The following NAV2 variants were observed in gnomAD, a reference collection of about 807,000 sequenced individuals.
NAV2 encodes the protein neuron navigator 2.
NAV2 carries 54 observed loss-of-function variants against 223.2 expected under a neutral mutation model. That is an observed-to-expected ratio of 0.24 (90% confidence interval 0.19 to 0.30). NAV2 has a LOEUF of 0.30. NAV2 is among the 10% of genes least tolerant of loss of function. The pLI is 1.00. For missense variants in NAV2, 2,806 were observed against 3,147.5 expected (o/e 0.89, Z 2.60); for synonymous variants, 1,279 against 1,239.3 (o/e 1.03, Z -0.67).
intron 1 of NAV2, among the ~76,000 whole-genome samples, chr11:19,626,205 T>G (rs984060781): frequency 2.6e-5 from 4 of 152,218 alleles, no homozygotes; most frequent in African/African-American, 9.6e-5. Context: ...TGAGTTGATT[T>G]TAGTATAGGA....
intron 19 of NAV2, among the ~76,000 whole-genome samples, chr11:20,056,900 A>AT (rs1417773222): frequency 1.3e-5 from 2 of 152,200 alleles, no homozygotes; most frequent in Non-Finnish European, 2.9e-5. Flanking sequence ...ATACATATAA[A>AT]TGTTAACACA....
intron 36 of NAV2, 95 bp downstream of exon 36, chr11:20,107,877 T>TGACATG (rs2062278060): frequency 2.4e-6 from 2 of 821,958 alleles, no homozygotes; most frequent in Admixed American, 3.8e-5. Context: ...GGAATCTGAC[T>TGACATG]GACATGGGGT....
chr11:19,932,574 CT>C (rs2045480161), intron 6 of NAV2, among the ~76,000 whole-genome samples: 1 of 152,224 alleles, frequency 6.6e-6, no homozygotes. Context: ...CCGCCTCGGC[CT>C]CCCAAAGTAC....
At chr11:19,897,883 GATTT>G (rs1020157268) in intron 6 of NAV2, among the ~76,000 whole-genome samples, 1 of 101,908 alleles carries the variant, frequency 9.8e-6, no homozygotes, top group East Asian at 5.0e-4. Context: ...CCTGACCTGT[GATTT>G]ATATATATAT....
intron 22 of NAV2, among the ~76,000 whole-genome samples, chr11:20,075,607 C>T (rs1365352549): frequency 1.3e-5 from 2 of 152,020 alleles, no homozygotes; most frequent in Non-Finnish European, 1.5e-5. Context: ...CTTAACATTT[C>T]TACTACAAGT....
chr11:19,356,039 G>C (rs1460889971), intron 1 of NAV2, among the ~76,000 whole-genome samples: 1 of 152,198 alleles, frequency 6.6e-6, no homozygotes, highest in Non-Finnish European at 1.5e-5. Flanking sequence ...CTGCTCCTTT[G>C]GAGCTGGAGG....
rs1592190263 is a variant in NAV2 at position 20,107,471 on chromosome 11, G to A, written c.6842-193G>A. ...TCCTGGAGGAGGGAGACCCCCAGGTGGAATCAGGGATCAGAGTGTCCTTCT... is the reference window on the plus strand; with the variant it reads ...TCCTGGAGGAGGGAGACCCCCAGGTAGAATCAGGGATCAGAGTGTCCTTCT... On this transcript the variant is annotated intron_variant, in intron 35 of 37. Coordinates refer to ENST00000349880, the MANE Select transcript of NAV2 (RefSeq NM_145117.5). 5.0e-6 allele frequency: 3 copies of A among 596,870 alleles called. No homozygotes were observed. In the East Asian group the frequency reaches 8.2e-5, roughly 16 times the overall value. 37.0% of individuals were successfully genotyped at this position (596,870 alleles called of 1,614,324 possible). A position where few individuals can be genotyped will look rare whatever the true frequency, so the allele number is the denominator to read the frequency against.
chr11:19,349,522 GAT>G (rs1853178360), upstream of NAV2, among the ~76,000 whole-genome samples: 3 of 152,168 alleles, frequency 2.0e-5, no homozygotes, highest in Admixed American at 6.5e-5. Flanking sequence ...GCTGCGGCCG[GAT>G]CTGGCCGCAG....
At chr11:19,731,654 A>G (rs55993387) in intron 1 of NAV2, among the ~76,000 whole-genome samples, 5,356 of 152,220 alleles carry the variant, frequency 0.035, 268 homozygotes, top group African/African-American at 0.11. Context: ...GAGTCAGGAG[A>G]TTTGAGATGA....
intron 13 of NAV2, 155 bp downstream of exon 13, chr11:20,044,427 C>A: frequency 1.4e-6 from 1 of 708,856 alleles, no homozygotes; most frequent in Non-Finnish European, 2.3e-6. Flanking sequence ...CTACCTTTTT[C>A]TAAGTGGAAA....
At chr11:19,522,901 G>T (rs888897504) in intron 1 of NAV2, among the ~76,000 whole-genome samples, 1 of 152,152 alleles carries the variant, frequency 6.6e-6, no homozygotes, top group Non-Finnish European at 1.5e-5. Flanking sequence ...ACCTACCTCC[G>T]GGGTCTTACT....
At chr11:19,919,927 G>T (rs548688528) in intron 6 of NAV2, among the ~76,000 whole-genome samples, 1 of 152,132 alleles carries the variant, frequency 6.6e-6, no homozygotes, top group South Asian at 2.1e-4. Flanking sequence ...CGAGCCCAGG[G>T]GTTCGAGACC....
At chr11:19,437,125 A>T (rs1396399528) in intron 1 of NAV2, among the ~76,000 whole-genome samples, 2 of 152,144 alleles carry the variant, frequency 1.3e-5, no homozygotes, top group Non-Finnish European at 2.9e-5. Context: ...GCAGCAGTGC[A>T]TTTCTAGATA....
At chr11:20,060,689 G>A (rs2058648469) in intron 19 of NAV2, among the ~76,000 whole-genome samples, 1 of 152,234 alleles carries the variant, frequency 6.6e-6, no homozygotes, top group African/African-American at 2.4e-5. Flanking sequence ...ATGAGGAAAG[G>A]TCCCATAGAG....
At position 19,386,807 on chromosome 11, in the gene NAV2, G is replaced by A. The variant is rs985253137; in HGVS notation, c.75+35780G>A. Among the ~76,000 whole-genome samples, 8 of 152,196 alleles carry A rather than the reference G, an allele frequency of 5.3e-5. No homozygotes were observed. In the South Asian group the frequency reaches 1.0e-3, roughly 20 times the overall value. Reference sequence around the variant, plus strand: ...TAAAGGGTAAAACAAGTGGGAGCACGGACATGATATTCAGAAATAATTTCC... The same window carrying A: ...TAAAGGGTAAAACAAGTGGGAGCACAGACATGATATTCAGAAATAATTTCC... On this transcript the variant is annotated intron_variant, in intron 1 of 37. Coordinates refer to the NAV2 transcript ENST00000360655.
At chr11:19,791,182 G>A (rs1353134848) in intron 1 of NAV2, among the ~76,000 whole-genome samples, 2 of 152,136 alleles carry the variant, frequency 1.3e-5, no homozygotes, top group Non-Finnish European at 2.9e-5. Flanking sequence ...CCAGGCCCTG[G>A]TTGCAGACAA....
intron 1 of NAV2, among the ~76,000 whole-genome samples, chr11:19,804,654 C>T (rs1479968110): frequency 6.6e-6 from 1 of 152,210 alleles, no homozygotes; most frequent in African/African-American, 2.4e-5. Context: ...TCCTTCCATC[C>T]ATCTATTTAT....
intron 1 of NAV2, among the ~76,000 whole-genome samples, chr11:19,460,116 A>G: frequency 6.6e-6 from 1 of 152,234 alleles, no homozygotes; most frequent in Non-Finnish European, 1.5e-5. Context: ...TGTGATTTAG[A>G]AAATGTCTTT....
In NAV2 at chr11:19,946,391, A is replaced by G. The variant is rs764218513; in HGVS notation, c.2147-10A>G. The G allele has an allele frequency of 8.7e-6, 14 of 1,610,084 alleles. No homozygotes were observed. The highest frequency in any genetic ancestry group is 1.3e-5 in the African/African-American group (1 of 74,682). ...GAGAATTAAACTAGTCTTAACCCTC[A>G]TCTTTCTAGGGGAAGATCCTGAGGC... On this transcript the variant is annotated splice_polypyrimidine_tract_variant and intron_variant, in intron 8 of 37. Coordinates refer to ENST00000349880, the MANE Select transcript of NAV2 (RefSeq NM_145117.5).
Sources: allele counts gnomAD v4.1 joint callset (sites outside exome capture counted in the v4.1 genomes callset), GRCh38; gene constraint gnomAD v4.1.1; transcripts MANE v1.5; gene names NCBI Gene and HGNC (gene_info 2026-07-23, HGNC 2026-07-21).